The following GFOD2 variants were observed in gnomAD, a reference collection of about 807,000 sequenced individuals.
GFOD2 encodes the protein Gfo/Idh/MocA-like oxidoreductase domain containing 2.
GFOD2 carries 9 observed loss-of-function variants against 24.6 expected under a neutral mutation model. That is an observed-to-expected ratio of 0.37 (90% confidence interval 0.22 to 0.64). The LOEUF (loss-of-function observed/expected upper bound fraction) is 0.64. Ranked by LOEUF, GFOD2 falls within the 30% of genes least tolerant of loss-of-function variation. The pLI is 0.65. For missense variants in GFOD2, 476 were observed against 532.5 expected (o/e 0.89, Z 1.04); for synonymous variants, 211 against 224.8 (o/e 0.94, Z 0.55).
intron 1 of GFOD2, among the ~76,000 whole-genome samples, chr16:67,706,826 A>G (rs376302869): frequency 2.6e-4 from 40 of 152,254 alleles, no homozygotes; most frequent in African/African-American, 9.4e-4. Context: ...ACTCCAACAA[A>G]TCAGCAGATG....
intron 1 of GFOD2, among the ~76,000 whole-genome samples, chr16:67,686,201 A>G (rs927533252): frequency 3.9e-5 from 6 of 152,150 alleles, no homozygotes; most frequent in Admixed American, 2.0e-4. Context: ...AAAGGATCAC[A>G]TGAACCTAGG....
chr16:67,708,022 A>C (rs2053450242), intron 1 of GFOD2, among the ~76,000 whole-genome samples: 1 of 152,194 alleles, frequency 6.6e-6, no homozygotes. Context: ...AATCGAACAG[A>C]AAGAGGCACA....
At chr16:67,693,051 A>G (rs939945667) in intron 1 of GFOD2, among the ~76,000 whole-genome samples, 1 of 151,904 alleles carries the variant, frequency 6.6e-6, no homozygotes, top group Non-Finnish European at 1.5e-5. Context: ...CAAAAAAAAA[A>G]GGAAAATGTG....
intron 2 of GFOD2, chr16:67,681,148 C>G (rs1278430404): frequency 5.1e-6 from 5 of 985,328 alleles, no homozygotes; most frequent in Non-Finnish European, 6.0e-6. Flanking sequence ...TATGGCTGAC[C>G]AGGGAGGGAT....
intron 2 of GFOD2, chr16:67,683,506 A>G: frequency 8.1e-7 from 1 of 1,231,734 alleles, no homozygotes; most frequent in South Asian, 4.1e-5. Flanking sequence ...TCAATCTGGG[A>G]GCCACCATCT....
Position 67,676,138 on chromosome 16 carries a change from T to A in GFOD2, c.260-85A>T, listed in dbSNP as rs776338426. ...GCCTGCCCTGAGGATTTTGGACTTC[T>A]CTGCCTTACAACTGCACGAACTAAT... On this transcript the variant is annotated intron_variant, in intron 2 of 2. Coordinates refer to ENST00000268797, the MANE Select transcript of GFOD2 (RefSeq NM_030819.4). 71 of 1,345,916 alleles carry A rather than the reference T, an allele frequency of 5.3e-5. 1 individual carries two copies. The highest frequency in any genetic ancestry group is 2.3e-4 in the Middle Eastern group (1 of 4,260). 83.4% of individuals were successfully genotyped at this position (1,345,916 alleles called of 1,614,324 possible). A position where few individuals can be genotyped will look rare whatever the true frequency, so the allele number is the denominator to read the frequency against.
intron 1 of GFOD2, among the ~76,000 whole-genome samples, chr16:67,708,585 T>C (rs1258332193): frequency 6.6e-6 from 1 of 152,210 alleles, no homozygotes; most frequent in African/African-American, 2.4e-5. Context: ...AATTTAATGA[T>C]GGCTATTCAT....
chr16:67,683,889 C>CA, intron 2 of GFOD2: 1 of 1,154,644 alleles, frequency 8.7e-7, no homozygotes, highest in Non-Finnish European at 1.1e-6. Context: ...AAAACAGTTA[C>CA]TCAGTCAAGT....
At chr16:67,717,000 G>A (rs1013660917) in intron 1 of GFOD2, among the ~76,000 whole-genome samples, 51 of 152,092 alleles carry the variant, frequency 3.4e-4, no homozygotes, top group Admixed American at 3.3e-3. Context: ...AGGTTCAAGC[G>A]ATTCTCCTGC....
Position 67,675,986 on chromosome 16 carries a change from G to A in GFOD2, c.327C>T (p.Ala109=). 1 of 1,614,200 alleles carries A rather than the reference G, an allele frequency of 6.2e-7. No individual in the cohort carries two copies. The highest frequency in any genetic ancestry group is 1.1e-5 in the South Asian group (1 of 91,090). The change falls in exon 3 of 3, where the codon GCC becomes GCT. Residue 109 remains alanine, a synonymous_variant. Coordinates refer to ENST00000268797, the MANE Select transcript of GFOD2 (RefSeq NM_030819.4). The part of the protein sequence containing the change: ...TSVDAFRMVT[A]SRYYPQLMSL... Reference sequence around the variant, plus strand: ...TCATGAGCTGCGGGTAGTAGCGCGAGGCTGTCACCATCCGGAAGGCATCCA... The same window carrying A: ...TCATGAGCTGCGGGTAGTAGCGCGAAGCTGTCACCATCCGGAAGGCATCCA...
intron 2 of GFOD2, chr16:67,683,726 C>T: frequency 3.3e-6 from 4 of 1,228,922 alleles, no homozygotes; most frequent in Non-Finnish European, 4.1e-6. Context: ...CTATGACATT[C>T]CTCAGAATGA....
chr16:67,715,009 AGTAACAT>A (rs1490060078), intron 1 of GFOD2, among the ~76,000 whole-genome samples: 2 of 152,204 alleles, frequency 1.3e-5, no homozygotes, highest in Non-Finnish European at 2.9e-5. Context: ...AAGGGTACTA[AGTAACAT>A]GGAAATATTC....
intron 1 of GFOD2, among the ~76,000 whole-genome samples, chr16:67,704,133 A>G (rs1410603359): frequency 2.0e-5 from 3 of 152,204 alleles, no homozygotes; most frequent in African/African-American, 7.2e-5. Context: ...TACTATGTCC[A>G]TAATGCTGCT....
At chr16:67,708,660 G>GA (rs2053453928) in intron 1 of GFOD2, among the ~76,000 whole-genome samples, 1 of 152,192 alleles carries the variant, frequency 6.6e-6, no homozygotes, top group African/African-American at 2.4e-5. Flanking sequence ...ACTTGGCACT[G>GA]AAAGAGTGGC....
intron 2 of GFOD2, chr16:67,683,099 C>G: frequency 1.7e-6 from 1 of 589,170 alleles, no homozygotes; most frequent in Non-Finnish European, 2.1e-6. Context: ...TAGCTGGGAC[C>G]ACAGTCGCGT....
intron 2 of GFOD2, 188 bp from the exon 3 acceptor site, chr16:67,676,241 T>G (rs2053184517): frequency 1.6e-6 from 1 of 618,032 alleles, no homozygotes; most frequent in South Asian, 2.1e-5. Context: ...CAAGCGATCC[T>G]CCATCTTGGC....
intron 1 of GFOD2, among the ~76,000 whole-genome samples, chr16:67,707,853 G>A (rs1361449950): frequency 2.0e-5 from 3 of 152,216 alleles, no homozygotes; most frequent in African/African-American, 7.2e-5. Context: ...TAGCCTGTAT[G>A]AATCTTAAAA....
In GFOD2 at chr16:67,675,044, G is replaced by A. The variant is rs2053172395; in HGVS notation, c.*111C>T. The A allele has an allele frequency of 8.0e-7, 1 of 1,243,300 alleles. No individual in the cohort carries two copies. Among genetic ancestry groups the A allele is most frequent in the South Asian group, 1.4e-5 (1 of 69,534 alleles). The allele number at this position is 1,243,300 out of a possible 1,614,324, so 77.0% of individuals were successfully genotyped here. A position where few individuals can be genotyped will look rare whatever the true frequency, so the allele number is the denominator to read the frequency against. On this transcript the variant is annotated 3_prime_UTR_variant, in exon 3 of 3. Transcript: ENST00000268797. ...CCAGAGCCACCTCTGGCTTCACCCA[G>A]ACTCATTAAATGAAAGACACTGTCT...
At position 67,675,665 on chromosome 16, in the gene GFOD2, G is replaced by A. The variant is rs752271329; in HGVS notation, c.648C>T (p.His216=). The part of the protein sequence containing the change: ...RQNAAIRGIR[H]VTSDDFCFFQ... ...AGAAACAGAAGTCATCGCTAGTGAC[G>A]TGCCGGATGCCACGGATGGCAGCGT... The change falls in exon 3 of 3, where the codon CAC becomes CAT. Residue 216 remains histidine, a synonymous_variant. Transcript: ENST00000268797. 21 of 1,613,396 alleles carry A rather than the reference G, an allele frequency of 1.3e-5. No homozygotes were observed. The highest frequency in any genetic ancestry group is 4.0e-5 in the African/African-American group (3 of 74,956).
Sources: allele counts gnomAD v4.1 joint callset (sites outside exome capture counted in the v4.1 genomes callset), GRCh38; gene constraint gnomAD v4.1.1; transcripts MANE v1.5; gene names NCBI Gene and HGNC (gene_info 2026-07-23, HGNC 2026-07-21).